The following TRIM55 variants were observed in gnomAD, a reference collection of about 807,000 sequenced individuals.
The protein encoded by TRIM55 is tripartite motif containing 55, also known as tripartite motif-containing protein 55.
In TRIM55, 50 loss-of-function variants were observed where a neutral mutation model predicts 60.9. The ratio of observed to expected loss-of-function variants is 0.82; its 90% confidence interval spans 0.65 to 1.04. The LOEUF (loss-of-function observed/expected upper bound fraction) is 1.04. TRIM55 is among the 50% of genes least tolerant of loss of function. The probability of loss-of-function intolerance (pLI) is 0.00; values close to 1 mark genes in which losing one functional copy is unlikely to be tolerated. For synonymous variants in TRIM55, 237 were observed against 238.1 expected (o/e 1.00, Z 0.04); for missense variants, 681 against 666.9 (o/e 1.02, Z -0.23).
At chr8:66,130,659 C>CTTT (rs572999976) in intron 2 of TRIM55, among the ~76,000 whole-genome samples, 2 of 122,968 alleles carry the variant, frequency 1.6e-5, no homozygotes, top group Admixed American at 8.2e-5. Context: ...ACCTAGCATT[C>CTTT]TTTTTTTTTT....
chr8:66,122,139 G>T (rs955191029), upstream of TRIM55, among the ~76,000 whole-genome samples: 2 of 152,178 alleles, frequency 1.3e-5, no homozygotes, highest in Non-Finnish European at 2.9e-5. Flanking sequence ...TATTATTCAT[G>T]TTGGGAAGGG....
chr8:66,167,398 T>C (rs1422404827), intron 9 of TRIM55, among the ~76,000 whole-genome samples: 1 of 152,144 alleles, frequency 6.6e-6, no homozygotes, highest in African/African-American at 2.4e-5. Flanking sequence ...ACATACACTG[T>C]CTACATGACA....
chr8:66,126,409 G>A (rs1808820284), upstream of TRIM55, among the ~76,000 whole-genome samples: 1 of 152,118 alleles, frequency 6.6e-6, no homozygotes, highest in Non-Finnish European at 1.5e-5. Context: ...GATGAAAGAG[G>A]GCCAAGGAAG....
chr8:66,138,272 G>A (rs935411546), intron 4 of TRIM55, among the ~76,000 whole-genome samples: 1 of 152,084 alleles, frequency 6.6e-6, no homozygotes, highest in African/African-American at 2.4e-5. Flanking sequence ...TGTTCTGTTT[G>A]TATTCTTATA....
chr8:66,149,571 C>A, intron 4 of TRIM55, 74 bp from the exon 5 acceptor site: 2 of 1,189,728 alleles, frequency 1.7e-6, no homozygotes, highest in Non-Finnish European at 2.4e-6. Context: ...TCTTCTTTCC[C>A]AGGATAACTA....
intron 2 of TRIM55, among the ~76,000 whole-genome samples, chr8:66,129,333 C>T (rs1809008906): frequency 6.6e-6 from 1 of 152,096 alleles, no homozygotes; most frequent in Admixed American, 6.5e-5. Flanking sequence ...GTCCAGTCCA[C>T]AAAGCTTGAT....
intron 9 of TRIM55, among the ~76,000 whole-genome samples, chr8:66,170,990 C>T (rs1811593924): frequency 6.6e-6 from 1 of 152,176 alleles, no homozygotes; most frequent in Admixed American, 6.5e-5. Flanking sequence ...GACAGTTCCA[C>T]GTTACGGACA....
chr8:66,143,173 G>A (rs552897901), intron 4 of TRIM55, among the ~76,000 whole-genome samples: 20 of 152,204 alleles, frequency 1.3e-4, no homozygotes, highest in Non-Finnish European at 2.8e-4. Context: ...CAAGTGGTGG[G>A]TCTAAGAGCT....
chr8:66,132,219 G>A (rs1295298165), intron 2 of TRIM55, among the ~76,000 whole-genome samples: 2 of 152,180 alleles, frequency 1.3e-5, no homozygotes, highest in African/African-American at 4.8e-5. Flanking sequence ...GGGAGGCTGA[G>A]GTGGACAGAT....
intron 8 of TRIM55, among the ~76,000 whole-genome samples, chr8:66,153,669 T>C (rs2128981608): frequency 6.6e-6 from 1 of 152,348 alleles, no homozygotes; most frequent in East Asian, 1.9e-4. Context: ...TTTTTGTTTT[T>C]TATAATGAGG....
At chr8:66,139,160 G>T (rs1289464447) in intron 4 of TRIM55, among the ~76,000 whole-genome samples, 1 of 152,066 alleles carries the variant, frequency 6.6e-6, no homozygotes, top group East Asian at 1.9e-4. Context: ...AATACAATTT[G>T]GTCATAACAC....
At chr8:66,132,190 C>G (rs182370833) in intron 2 of TRIM55, among the ~76,000 whole-genome samples, 1 of 152,230 alleles carries the variant, frequency 6.6e-6, no homozygotes, top group African/African-American at 2.4e-5. Context: ...GTGGCTCACG[C>G]CTATAATCCC....
chr8:66,172,629 A>G (rs919805004), intron 9 of TRIM55, among the ~76,000 whole-genome samples: 1 of 152,248 alleles, frequency 6.6e-6, no homozygotes, highest in African/African-American at 2.4e-5. Context: ...AAGCACAAAA[A>G]TTTATACATA....
intron 5 of TRIM55, 134 bp from the exon 6 acceptor site, chr8:66,150,078 CTGTTA>C: frequency 9.3e-7 from 1 of 1,075,938 alleles, no homozygotes; most frequent in Non-Finnish European, 1.3e-6. Context: ...TAATAGGGTT[CTGTTA>C]TAAGACAGCA....
At position 66,154,047 on chromosome 8, in the gene TRIM55, G is replaced by C; in HGVS notation, c.1237G>C (p.Gly413Arg). 6.2e-7 allele frequency: 1 copy of C among 1,611,142 alleles called. No individual in the cohort carries two copies. The highest frequency in any genetic ancestry group is 8.5e-7 in the Non-Finnish European group (1 of 1,178,502). Residue 413 changes from glycine (G) to arginine (R), a missense_variant and splice_region_variant, in exon 9 of 10, where the codon GGG becomes CGG. Physicochemically the swap from Gly to Arg is moderately radical, Grantham distance 125. Coordinates refer to ENST00000315962, the MANE Select transcript of TRIM55 (RefSeq NM_184085.2). ...TTTGAATTTATCTGTCCTGATTAAG[G>C]GGGAGGTTGTACCCACTGGCTCTGA... ...PPAADAPVTQ[G>R]EVVPTGSEQT...
chr8:66,146,935 A>G (rs1810125323), intron 4 of TRIM55, among the ~76,000 whole-genome samples: 1 of 151,794 alleles, frequency 6.6e-6, no homozygotes, highest in Non-Finnish European at 1.5e-5. Context: ...AACCTCCTTT[A>G]CTCCTATTCC....
the TRIM55 span, among the ~76,000 whole-genome samples, chr8:66,114,308 A>G: frequency 1.3e-5 from 2 of 152,070 alleles, no homozygotes; most frequent in South Asian, 2.1e-4. Flanking sequence ...TCTCAGCCCA[A>G]ACTAGAGCTG....
At chr8:66,140,231 T>G (rs1401334367) in intron 4 of TRIM55, among the ~76,000 whole-genome samples, 1 of 152,208 alleles carries the variant, frequency 6.6e-6, no homozygotes, top group African/African-American at 2.4e-5. Flanking sequence ...TATTTACATA[T>G]AGCCTCCTAT....
At chr8:66,141,315 A>G (rs1198317074) in intron 4 of TRIM55, among the ~76,000 whole-genome samples, 1 of 152,192 alleles carries the variant, frequency 6.6e-6, no homozygotes, top group East Asian at 1.9e-4. Flanking sequence ...CTGAGCCGTG[A>G]GTCTTTTTAC....
Sources: allele counts gnomAD v4.1 joint callset (sites outside exome capture counted in the v4.1 genomes callset), GRCh38; gene constraint gnomAD v4.1.1; transcripts MANE v1.5; gene names NCBI Gene and HGNC (gene_info 2026-07-23, HGNC 2026-07-21).